DCAKD: variants seen among roughly 807,000 people sequenced by gnomAD.
DCAKD encodes dephospho-CoA kinase domain containing, also known as dephospho-CoA kinase domain-containing protein.
DCAKD carries 15 observed loss-of-function variants against 18.7 expected under a neutral mutation model. The ratio of observed to expected loss-of-function variants is 0.80; its 90% confidence interval spans 0.54 to 1.24. The LOEUF (loss-of-function observed/expected upper bound fraction) is 1.24. Ranked by LOEUF, DCAKD falls within the 50% of genes most tolerant of loss-of-function variation. The probability of loss-of-function intolerance (pLI) is 0.00; values close to 1 mark genes in which losing one functional copy is unlikely to be tolerated. For missense variants in DCAKD, 301 were observed against 322.0 expected, an observed-to-expected ratio of 0.93 and a Z score of 0.50; for synonymous variants, 130 against 133.0, an observed-to-expected ratio of 0.98 and a Z score of 0.16.
intron 3 of DCAKD, among the ~76,000 whole-genome samples, chr17:45,033,381 C>A (rs1233508532): frequency 6.6e-6 from 1 of 152,186 alleles, no homozygotes; most frequent in Non-Finnish European, 1.5e-5. Flanking sequence ...CAGAACCAAA[C>A]CTGCCCCTGA....
rs1338552881 is a variant in DCAKD, at chr17:45,051,605, G to A, written c.-359C>T. 1.3e-5 allele frequency: 2 copies of A among 151,146 alleles called. No individual in the cohort carries two copies. The highest frequency in any genetic ancestry group is 3.0e-5 in the Non-Finnish European group (2 of 67,774). 9.4% of individuals were successfully genotyped at this position (151,146 alleles called of 1,614,324 possible). ...CCGCCTCTAGCCCAATCTCCGCAGCGCTTACAGGCCGGCTCAGCGGGCGAG... is the reference window on the plus strand; with the variant it reads ...CCGCCTCTAGCCCAATCTCCGCAGCACTTACAGGCCGGCTCAGCGGGCGAG... On this transcript the variant is annotated 5_prime_UTR_variant, in exon 1 of 5. Transcript: ENST00000651974.
chr17:45,028,663 G>T (rs542036828), intron 4 of DCAKD, among the ~76,000 whole-genome samples: 1 of 151,380 alleles, frequency 6.6e-6, no homozygotes, highest in East Asian at 1.9e-4. Flanking sequence ...ACCTGCCTCG[G>T]CCTCCCAAAG....
intron 1 of DCAKD, among the ~76,000 whole-genome samples, chr17:45,059,498 C>A (rs866044510): frequency 3.9e-5 from 6 of 152,138 alleles, no homozygotes; most frequent in Admixed American, 1.3e-4. Context: ...TGTCTTTGGG[C>A]ACTTAGGCGA....
chr17:45,055,003 G>GC (rs1192577137), upstream of DCAKD, among the ~76,000 whole-genome samples: 1 of 152,156 alleles, frequency 6.6e-6, no homozygotes, highest in Non-Finnish European at 1.5e-5. Context: ...CTGCACCTCT[G>GC]CCCCAGGAAG....
chr17:45,050,998 G>A (rs1440221937), intron 1 of DCAKD, among the ~76,000 whole-genome samples: 1 of 152,248 alleles, frequency 6.6e-6, no homozygotes, highest in African/African-American at 2.4e-5. Context: ...GGAGAGGGAA[G>A]CGGAGGAGAG....
intron 1 of DCAKD, among the ~76,000 whole-genome samples, chr17:45,051,143 C>T (rs1234513582): frequency 1.3e-5 from 2 of 152,176 alleles, no homozygotes; most frequent in Non-Finnish European, 2.9e-5. Flanking sequence ...CCCAAGGTCA[C>T]ACAACTGAAG....
At chr17:45,026,613 T>C (rs911426544) in intron 4 of DCAKD, 3 of 985,378 alleles carry the variant, frequency 3.0e-6, no homozygotes, top group Non-Finnish European at 2.4e-6. Context: ...TCCTCCCACC[T>C]TGGCAGTTTG....
chr17:45,049,345 G>A (rs1479519473), intron 1 of DCAKD, among the ~76,000 whole-genome samples: 4 of 151,938 alleles, frequency 2.6e-5, no homozygotes, highest in Non-Finnish European at 5.9e-5. Context: ...TAAGGTGGGA[G>A]GATTGAGCTC....
rs1199962909 is a variant in DCAKD at position 45,024,266 on chromosome 17, C to T, written c.*167G>A. The T allele has an allele frequency of 3.3e-6, 3 of 906,530 alleles. No individual in the cohort carries two copies. Among genetic ancestry groups the T allele is most frequent in the Non-Finnish European group, 4.8e-6 (3 of 623,622 alleles). 56.2% of individuals were successfully genotyped at this position (906,530 alleles called of 1,614,324 possible). On this transcript the variant is annotated 3_prime_UTR_variant, in exon 5 of 5. Coordinates refer to ENST00000651974, the MANE Select transcript of DCAKD (RefSeq NM_001288655.2). ...GACGGGATGGCCTGGCACAGAGGCCCAGCCCTGATTCGGAGAGTCCGTGTG... is the reference window on the plus strand; with the variant it reads ...GACGGGATGGCCTGGCACAGAGGCCTAGCCCTGATTCGGAGAGTCCGTGTG...
chr17:45,026,889 G>A (rs922381498), intron 4 of DCAKD: 2 of 937,692 alleles, frequency 2.1e-6, no homozygotes, highest in African/African-American at 3.5e-5. Context: ...TCCTCCTGAA[G>A]GTGTGGCCCA....
intron 1 of DCAKD, among the ~76,000 whole-genome samples, chr17:45,045,053 T>G (rs900698801): frequency 8.7e-5 from 13 of 150,114 alleles, no homozygotes; most frequent in Middle Eastern, 3.5e-3. Context: ...CCTAGATACC[T>G]TTATCTAGGT....
At chr17:45,059,613 G>A (rs1332048799) in intron 1 of DCAKD, among the ~76,000 whole-genome samples, 1 of 152,124 alleles carries the variant, frequency 6.6e-6, no homozygotes, top group Non-Finnish European at 1.5e-5. Context: ...TATAGAATAC[G>A]CACTGGAGTC....
chr17:45,034,032 G>C (rs1299364446), intron 3 of DCAKD, 155 bp downstream of exon 3: 2 of 1,596,528 alleles, frequency 1.3e-6, no homozygotes, highest in Admixed American at 3.3e-5. Flanking sequence ...CTCTGGGGCT[G>C]GTACGGGGCT....
chr17:45,024,488 G>A lies in DCAKD; in HGVS notation c.641C>T (p.Ala214Val), dbSNP rs991621646. 1 of 1,613,552 alleles carries A rather than the reference G, an allele frequency of 6.2e-7. No homozygotes were observed. The highest frequency in any genetic ancestry group is 1.3e-5 in the African/African-American group (1 of 75,046). Residue 214 changes from alanine to valine, a missense_variant, in exon 5 of 5, where the codon GCT becomes GTT. By Grantham distance (64) the Ala-to-Val change is moderately conservative. Transcript: ENST00000651974. The stretch of plus-strand genomic sequence containing the variant: ...CAGGTAGAGGAGGCTGGCAATGGCA[G>A]CGAGCCCTGTGAGGACCCCAAACCT... ...PLRFGVLTGL[A>V]AIASLLYLLT...
At chr17:45,060,683 C>T (rs2053840403) in intron 1 of DCAKD, among the ~76,000 whole-genome samples, 2 of 152,214 alleles carry the variant, frequency 1.3e-5, no homozygotes, top group Non-Finnish European at 2.9e-5. Context: ...GGTCTCCTGG[C>T]TTAGGGTCAG....
chr17:45,046,804 A>G (rs1218590681), intron 1 of DCAKD, among the ~76,000 whole-genome samples: 1 of 151,888 alleles, frequency 6.6e-6, no homozygotes, highest in Non-Finnish European at 1.5e-5. Flanking sequence ...CCTCCTTCAC[A>G]CTCACCCATC....
intron 1 of DCAKD, among the ~76,000 whole-genome samples, chr17:45,050,060 A>T (rs1464839385): frequency 1.2e-5 from 1 of 85,888 alleles, no homozygotes; most frequent in Non-Finnish European, 2.4e-5. Context: ...CTTTCTTTTG[A>T]GAAGGAGTCT....
intron 4 of DCAKD, among the ~76,000 whole-genome samples, chr17:45,027,696 G>A (rs2053082744): frequency 6.6e-6 from 1 of 151,752 alleles, no homozygotes; most frequent in African/African-American, 2.4e-5. Context: ...TCAAAGAACA[G>A]CACAGGAAGG....
Position 45,024,546 on chromosome 17 carries a change from C to T in DCAKD, c.583G>A (p.Glu195Lys). 1.9e-6 allele frequency: 3 copies of T among 1,614,174 alleles called. No homozygotes were observed. Among genetic ancestry groups the T allele is most frequent in the Non-Finnish European group, 2.5e-6 (3 of 1,180,018 alleles). Reference protein sequence around the residue: ...TKRQVILLHTELERSLEYLPL... With the variant: ...TKRQVILLHTKLERSLEYLPL... The stretch of plus-strand genomic sequence containing the variant: ...AGGTACTCCAGGGAGCGCTCCAGCT[C>T]AGTGTGCAAGAGGATGACCTGGCGT... Residue 195 changes from glutamate (E) to lysine (K), a missense_variant, in exon 5 of 5, where the codon GAG becomes AAG. Physicochemically the swap from Glu to Lys is moderately conservative, Grantham distance 56. Coordinates refer to ENST00000651974, the MANE Select transcript of DCAKD (RefSeq NM_001288655.2).
Sources: allele counts gnomAD v4.1 joint callset (sites outside exome capture counted in the v4.1 genomes callset), GRCh38; gene constraint gnomAD v4.1.1; transcripts MANE v1.5; gene names NCBI Gene and HGNC (gene_info 2026-07-23, HGNC 2026-07-21).